The following PLB1 variants were observed in gnomAD, a reference collection of about 807,000 sequenced individuals.
PLB1 encodes the protein phospholipase B1, also known as phospholipase B1, membrane-associated.
A neutral mutation model predicts 227.4 loss-of-function variants in PLB1; 242 were observed. The ratio of observed to expected loss-of-function variants is 1.06; its 90% CI spans 0.96 to 1.18. The LOEUF is 1.18. PLB1 is among the 50% of genes most tolerant of loss of function. The pLI is 0.00. For synonymous variants in PLB1, 757 were observed against 682.2 expected, an observed-to-expected ratio of 1.11 and a Z score of -1.71; for missense variants, 1,858 against 1,816.3, an observed-to-expected ratio of 1.02 and a Z score of -0.42.
intron 54 of PLB1, 32 bp downstream of exon 54, chr2:28,630,696 A>G: frequency 6.3e-7 from 1 of 1,581,744 alleles, no homozygotes; most frequent in Non-Finnish European, 8.6e-7. Context: ...TTACTGACCC[A>G]GCTGGGGGGC....
intron 49 of PLB1, among the ~76,000 whole-genome samples, chr2:28,622,968 C>G (rs138108813): frequency 4.8e-4 from 73 of 152,288 alleles, no homozygotes; most frequent in African/African-American, 1.6e-3. Context: ...AGCTTGCACT[C>G]TAGGTAAGGA....
At position 28,626,375 on chromosome 2, in the gene PLB1, AT is replaced by A. The variant is rs1056236317; in HGVS notation, c.3580-50del. The A allele has an allele frequency of 3.3e-6, 5 of 1,515,060 alleles. No individual in the cohort carries two copies. The African/African-American group carries it at 6.9e-5, about 21-fold the overall frequency. The allele number at this position is 1,515,060 out of a possible 1,614,324, so 93.9% of individuals were successfully genotyped here. A position where few individuals can be genotyped will look rare whatever the true frequency, so the allele number is the denominator to read the frequency against. ...GCGGGCGGGCTGGCCCAGTAGCAAC[AT>A]TTGTATGTGCCTCCCACCAAGGCCT... On this transcript the variant is annotated intron_variant, in intron 50 of 57. Transcript: ENST00000327757.
intron 25 of PLB1, 113 bp from the exon 26 acceptor site, chr2:28,585,648 T>G (rs1292804386): frequency 2.2e-6 from 2 of 889,070 alleles, no homozygotes; most frequent in African/African-American, 3.3e-5. Flanking sequence ...AGCACAGATC[T>G]CTGAACTCCA....
intron 50 of PLB1, among the ~76,000 whole-genome samples, chr2:28,625,781 G>A (rs1318477700): frequency 2.0e-5 from 3 of 152,098 alleles, no homozygotes; most frequent in African/African-American, 7.2e-5. Context: ...TAATCCCCTC[G>A]GCATTTAATG....
intron 1 of PLB1, among the ~76,000 whole-genome samples, chr2:28,512,508 CTT>C (rs1157801809): frequency 6.6e-6 from 1 of 152,100 alleles, no homozygotes; most frequent in Non-Finnish European, 1.5e-5. Flanking sequence ...TGCCTGGTAA[CTT>C]TTGTTTGAAG....
intron 1 of PLB1, among the ~76,000 whole-genome samples, chr2:28,508,004 T>C (rs1294791906): frequency 6.6e-6 from 1 of 152,204 alleles, no homozygotes; most frequent in African/African-American, 2.4e-5. Context: ...ATGGTAAATC[T>C]AGAGTGACTA....
At chr2:28,547,611 A>G (rs1673494013) in intron 14 of PLB1, among the ~76,000 whole-genome samples, 1 of 152,186 alleles carries the variant, frequency 6.6e-6, no homozygotes, top group African/African-American at 2.4e-5. Context: ...ACTGAGCCAG[A>G]CAGGCTGCCC....
At position 28,496,154 on chromosome 2, in the gene PLB1, C is replaced by A. The variant is rs1203719758; in HGVS notation, c.40C>A (p.Leu14Met). The change falls in exon 1 of 58, where the codon CTG (leucine) becomes ATG (methionine). Residue 14 changes from leucine (L) to methionine (M), a missense_variant. Transcript: ENST00000327757. ...RPGIFLLELL[L>M]LLGQGTPQIH... ...AGGCATTTTCCTCCTGGAGCTGCTG[C>A]TGCTTCTGGGGCAAGGTAAGCGTGC... 1 of 1,614,128 alleles carries A rather than the reference C, an allele frequency of 6.2e-7. No individual in the cohort carries two copies. Among genetic ancestry groups the A allele is most frequent in the South Asian group, 1.1e-5 (1 of 91,082 alleles).
At chr2:28,590,453 A>AT (rs1681712338) in intron 29 of PLB1, among the ~76,000 whole-genome samples, 1 of 152,184 alleles carries the variant, frequency 6.6e-6, no homozygotes, top group Non-Finnish European at 1.5e-5. Flanking sequence ...CCCTGCCTCC[A>AT]TGACAATATG....
chr2:28,523,206 C>T (rs1250885369), intron 4 of PLB1, among the ~76,000 whole-genome samples: 1 of 149,064 alleles, frequency 6.7e-6, no homozygotes, highest in Non-Finnish European at 1.5e-5. Context: ...TATTCCTCTA[C>T]CTCAACAAAC....
At chr2:28,582,323 TCAG>T in intron 24 of PLB1, 79 bp from the exon 25 acceptor site, 1 of 1,305,364 alleles carries the variant, frequency 7.7e-7, no homozygotes, top group Non-Finnish European at 1.1e-6. Context: ...ATCTGAAACT[TCAG>T]CAGGAGGAGC....
chr2:28,563,491 C>G (rs1399068835), intron 18 of PLB1, among the ~76,000 whole-genome samples: 1 of 150,896 alleles, frequency 6.6e-6, no homozygotes, highest in African/African-American at 2.4e-5. Context: ...TTTGTTTTGT[C>G]CATGTAGAAA....
intron 11 of PLB1, among the ~76,000 whole-genome samples, chr2:28,539,512 G>A (rs552555662): frequency 6.6e-6 from 1 of 152,292 alleles, no homozygotes; most frequent in East Asian, 1.9e-4. Flanking sequence ...TGTTACTTCT[G>A]GAAATTGGAT....
At chr2:28,569,048 A>G (rs947778103) in intron 20 of PLB1, among the ~76,000 whole-genome samples, 3 of 152,176 alleles carry the variant, frequency 2.0e-5, no homozygotes, top group African/African-American at 7.2e-5. Flanking sequence ...TTATTAGTGT[A>G]ATATCCCCAA....
intron 52 of PLB1, 25 bp from the exon 53 acceptor site, chr2:28,629,069 C>T (rs762847467): frequency 3.1e-5 from 49 of 1,605,836 alleles, no homozygotes; most frequent in Non-Finnish European, 3.7e-5. Context: ...AGTGCCCTAA[C>T]GAAACCACCC....
At position 28,516,632 on chromosome 2, in the gene PLB1, G is replaced by A. The variant is rs78393160; in HGVS notation, c.56-176G>A. 7.5e-3 allele frequency among the ~76,000 whole-genome samples: 1,135 copies of A among 152,236 alleles called. 15 individuals carry two copies. Among genetic ancestry groups the A allele is most frequent in the African/African-American group, 0.025 (1,048 of 41,536 alleles). ...TAATGGGTTGTGTTAATGGAAGCAC[G>A]GTGTCCCACACAATGGAGGGGATAG... On this transcript the variant is annotated intron_variant, in intron 1 of 57. Transcript: ENST00000327757.
At chr2:28,560,132 A>G (rs111355935) in intron 17 of PLB1, among the ~76,000 whole-genome samples, 192 of 152,172 alleles carry the variant, frequency 1.3e-3, no homozygotes, top group African/African-American at 4.4e-3. Flanking sequence ...GCACTTAACC[A>G]CTGAAATGTA....
At chr2:28,622,235 A>G (rs570630815) in intron 49 of PLB1, among the ~76,000 whole-genome samples, 1 of 152,338 alleles carries the variant, frequency 6.6e-6, no homozygotes, top group African/African-American at 2.4e-5. Flanking sequence ...AGAACACCTA[A>G]TATCATAGGG....
At chr2:28,501,365 TAGA>T (rs1667080229) in intron 1 of PLB1, among the ~76,000 whole-genome samples, 1 of 152,212 alleles carries the variant, frequency 6.6e-6, no homozygotes, top group Non-Finnish European at 1.5e-5. Context: ...TTCCGTCCTT[TAGA>T]ATATATCCCA....
Sources: allele counts gnomAD v4.1 joint callset (sites outside exome capture counted in the v4.1 genomes callset), GRCh38; gene constraint gnomAD v4.1.1; transcripts MANE v1.5; gene names NCBI Gene and HGNC (gene_info 2026-07-23, HGNC 2026-07-21).